Variants in PDE1C observed in about 807,000 individuals in gnomAD.
The protein encoded by PDE1C is phosphodiesterase 1C.
Under a neutral mutation model 93.1 loss-of-function variants are expected in PDE1C, and 62 were observed. The observed-to-expected ratio is 0.67, with a 90% CI of 0.54 to 0.82. The LOEUF (loss-of-function observed/expected upper bound fraction) is 0.82, where lower values mean the gene tolerates loss of function less well. PDE1C is among the 40% of genes least tolerant of loss of function. The pLI is 0.00. For synonymous variants in PDE1C, 325 were observed against 310.1 expected (o/e 1.05, Z -0.50); for missense variants, 742 against 884.6 (o/e 0.84, Z 2.04).
intron 2 of PDE1C, among the ~76,000 whole-genome samples, chr7:31,885,310 C>A (rs2128887296): frequency 6.6e-6 from 1 of 152,328 alleles, no homozygotes; most frequent in African/African-American, 2.4e-5. Context: ...TCTGTCACTG[C>A]AGCTGCCAGA....
At chr7:31,935,510 C>A (rs1337214860) in intron 2 of PDE1C, among the ~76,000 whole-genome samples, 1 of 152,056 alleles carries the variant, frequency 6.6e-6, no homozygotes, top group African/African-American at 2.4e-5. Context: ...AATAAAAATC[C>A]ATCAATGCGA....
intron 2 of PDE1C, among the ~76,000 whole-genome samples, chr7:32,189,962 A>G (rs187776020): frequency 4.9e-4 from 75 of 152,340 alleles, no homozygotes; most frequent in Admixed American, 4.9e-3. Context: ...CTGAGGCTAT[A>G]GAAACCACAT....
At position 31,772,519 on chromosome 7, in the gene PDE1C, T is replaced by G. The variant is rs559389598; in HGVS notation, c.1960+3145A>C. Among the ~76,000 whole-genome samples the G allele has an allele frequency of 2.0e-5, 3 of 152,182 alleles. No individual in the cohort carries two copies. The South Asian group carries it at 6.2e-4, about 32-fold the overall frequency. ...CTGCAGTTCTCTCTCTCTCTTTTTT[T>G]TTTTTCTGGTTCCCAGAGTTGTTTG... is the stretch of plus-strand genomic sequence containing the variant. On this transcript the variant is annotated intron_variant, in intron 17 of 17. Coordinates refer to ENST00000396191, the MANE Select transcript of PDE1C (RefSeq NM_001191057.4).
chr7:31,735,547 A>T, the PDE1C span, among the ~76,000 whole-genome samples: 1 of 152,168 alleles, frequency 6.6e-6, no homozygotes, highest in Non-Finnish European at 1.5e-5. Flanking sequence ...TGCCCTGGAC[A>T]CTTAGTAGCT....
At chr7:32,344,358 G>T (rs557582819) in intron 1 of PDE1C, among the ~76,000 whole-genome samples, 1 of 152,302 alleles carries the variant, frequency 6.6e-6, no homozygotes, top group South Asian at 2.1e-4. Flanking sequence ...TTACAGGCAT[G>T]AGCTACCACG....
Position 31,767,155 on chromosome 7 carries a change from CT to C in PDE1C, c.1960+8508del, listed in dbSNP as rs1344886994. On this transcript the variant is annotated intron_variant, in intron 17 of 17. Transcript: ENST00000396191. ...TTAATTTTGTTTTGTGTTTATCATT[CT>C]TTATTCTTTGCTTCTCTGTCTTCCT... is the stretch of plus-strand genomic sequence containing the variant. 4.6e-5 allele frequency among the ~76,000 whole-genome samples: 7 copies of C among 152,194 alleles called. No homozygotes were observed. The East Asian group carries it at 1.4e-3, about 29-fold the overall frequency.
the PDE1C span, among the ~76,000 whole-genome samples, chr7:31,676,875 C>T: frequency 6.6e-6 from 1 of 152,168 alleles, no homozygotes; most frequent in East Asian, 1.9e-4. Context: ...GGACTCTCAA[C>T]AAATCCTAAG....
the PDE1C span, among the ~76,000 whole-genome samples, chr7:31,674,286 T>C: frequency 6.6e-6 from 1 of 152,142 alleles, no homozygotes; most frequent in African/African-American, 2.4e-5. Flanking sequence ...GATGGAAGGA[T>C]AGAAGAATGA....
chr7:31,928,622 C>A (rs1160441232), intron 2 of PDE1C, among the ~76,000 whole-genome samples: 1 of 152,084 alleles, frequency 6.6e-6, no homozygotes, highest in Non-Finnish European at 1.5e-5. Context: ...GAGTGGGGGC[C>A]AATATTCAAC....
intron 2 of PDE1C, among the ~76,000 whole-genome samples, chr7:31,899,334 T>G (rs1799693333): frequency 6.6e-6 from 1 of 151,918 alleles, no homozygotes; most frequent in Non-Finnish European, 1.5e-5. Context: ...GAGACGGGGT[T>G]TCACCGTGTT....
At chr7:32,238,065 T>C (rs897910094) in intron 1 of PDE1C, among the ~76,000 whole-genome samples, 2 of 152,198 alleles carry the variant, frequency 1.3e-5, no homozygotes, top group Admixed American at 6.5e-5. Context: ...CCACCACACC[T>C]GGCCAAAGGT....
Position 32,076,974 on chromosome 7 carries a change from C to T in PDE1C, c.308+92811G>A, listed in dbSNP as rs184686838. Among the ~76,000 whole-genome samples the T allele has an allele frequency of 2.6e-3, 384 of 150,452 alleles. 4 individuals carry two copies. Among genetic ancestry groups the T allele is most frequent in the African/African-American group, 8.4e-3 (346 of 41,054 alleles). ...AAACAGGGCCGGGCACAGTGGCTCA[C>T]GCCTGTAATCCCAGTACTTTTGGAG... is the stretch of plus-strand genomic sequence containing the variant. On this transcript the variant is annotated intron_variant, in intron 3 of 18. Coordinates refer to the PDE1C transcript ENST00000396193.
chr7:31,701,910 G>A, the PDE1C span, among the ~76,000 whole-genome samples: 1 of 152,164 alleles, frequency 6.6e-6, no homozygotes, highest in African/African-American at 2.4e-5. Flanking sequence ...ACTTTTATGT[G>A]CAATGGGAAA....
intron 2 of PDE1C, among the ~76,000 whole-genome samples, chr7:31,968,997 C>A (rs1191278472): frequency 1.3e-5 from 2 of 152,148 alleles, no homozygotes; most frequent in Admixed American, 1.3e-4. Context: ...GGATTGAAGA[C>A]TTAAATGATA....
At chr7:32,357,837 G>A (rs1001115557) in intron 1 of PDE1C, among the ~76,000 whole-genome samples, 1 of 152,190 alleles carries the variant, frequency 6.6e-6, no homozygotes, top group Admixed American at 6.5e-5. Flanking sequence ...GCATTTTCCT[G>A]GGGTTTAGAT....
chr7:31,819,981 T>C (rs1788759006), intron 14 of PDE1C, among the ~76,000 whole-genome samples: 1 of 152,136 alleles, frequency 6.6e-6, no homozygotes, highest in Admixed American at 6.6e-5. Context: ...TTTAAGAACA[T>C]AGAAGGTGTT....
intron 1 of PDE1C, among the ~76,000 whole-genome samples, chr7:32,365,767 G>C (rs191154278): frequency 6.6e-6 from 1 of 151,898 alleles, no homozygotes; most frequent in African/African-American, 2.4e-5. Flanking sequence ...GTTCACCCGG[G>C]CAAAGCCACA....
the PDE1C span, among the ~76,000 whole-genome samples, chr7:31,696,786 G>T: frequency 6.6e-6 from 1 of 152,186 alleles, no homozygotes; most frequent in African/African-American, 2.4e-5. Context: ...TATAGACAAG[G>T]TTCCTAGTGG....
At chr7:32,170,719 G>C (rs763962966) in intron 2 of PDE1C, among the ~76,000 whole-genome samples, 7 of 152,064 alleles carry the variant, frequency 4.6e-5, no homozygotes, top group Non-Finnish European at 8.8e-5. Flanking sequence ...CCAATAGTAT[G>C]CCTGAGTCAC....
Sources: allele counts gnomAD v4.1 joint callset (sites outside exome capture counted in the v4.1 genomes callset), GRCh38; gene constraint gnomAD v4.1.1; transcripts MANE v1.5; gene names NCBI Gene and HGNC (gene_info 2026-07-23, HGNC 2026-07-21).